The following SFSWAP variants were observed in gnomAD, a reference collection of about 807,000 sequenced individuals.
SFSWAP encodes splicing factor, suppressor of white-apricot homolog.
A neutral mutation model predicts 100.7 loss-of-function variants in SFSWAP; 17 were observed. The observed-to-expected ratio is 0.17, with a 90% CI of 0.12 to 0.25. The LOEUF (loss-of-function observed/expected upper bound fraction) is 0.25, where lower values mean the gene tolerates loss of function less well. Ranked by LOEUF, SFSWAP falls within the 10% of genes least tolerant of loss-of-function variation. The pLI, the probability that SFSWAP is intolerant of heterozygous loss-of-function variation, is 1.00. For synonymous variants in SFSWAP, 504 were observed against 510.1 expected, an observed-to-expected ratio of 0.99 and a Z score of 0.16; for missense variants, 1,005 against 1,262.6, an observed-to-expected ratio of 0.80 and a Z score of 3.09.
intron 7 of SFSWAP, among the ~76,000 whole-genome samples, chr12:131,745,965 C>T (rs1230685335): frequency 6.6e-6 from 1 of 152,180 alleles, no homozygotes; most frequent in Non-Finnish European, 1.5e-5. Flanking sequence ...CTGCTCTCAG[C>T]GGCTTCCTCC....
rs779728628 is a variant in SFSWAP, at chr12:131,759,141, A to G, written c.1720+2497A>G. Among the ~76,000 whole-genome samples the G allele has an allele frequency of 4.6e-5, 7 of 152,220 alleles. No homozygotes were observed. In the East Asian group the frequency reaches 1.3e-3, roughly 29 times the overall value. ...AGAAGTTAACACTAGAAAATAAAGT[A>G]TATGAGAACATATATTATTTTAAAT... On this transcript the variant is annotated intron_variant, in intron 11 of 17. Transcript: ENST00000261674.
intron 13 of SFSWAP, among the ~76,000 whole-genome samples, chr12:131,774,474 C>CT (rs1883857441): frequency 6.6e-6 from 1 of 152,168 alleles, no homozygotes; most frequent in Admixed American, 6.5e-5. Context: ...TTAATGCTCT[C>CT]ATAAATGACC....
chr12:131,712,240 G>A (rs1443769593), intron 1 of SFSWAP: 1 of 152,160 alleles, frequency 6.6e-6, no homozygotes, highest in African/African-American at 2.4e-5. Context: ...GTCACTCGAG[G>A]GTGTCTAGCG....
At position 131,733,808 on chromosome 12, in the gene SFSWAP, T is replaced by A. The variant is rs1879740716; in HGVS notation, c.1081+5380T>A. 6.6e-6 allele frequency among the ~76,000 whole-genome samples: 1 copy of A among 152,026 alleles called. No individual in the cohort carries two copies. The highest frequency in any genetic ancestry group is 6.5e-5 in the Admixed American group (1 of 15,278). On this transcript the variant is annotated intron_variant, in intron 7 of 17. Transcript: ENST00000261674. The surrounding 1 kb of genome is among the most constrained non-coding windows in gnomAD (Gnocchi z 5.1). Reference sequence around the variant, plus strand: ...GAGTGTGTGTTCAGGCTTGTCTTCCTGCCGCAGCGCAGCAGCCCTCCCATG... The same window carrying A: ...GAGTGTGTGTTCAGGCTTGTCTTCCAGCCGCAGCGCAGCAGCCCTCCCATG...
chr12:131,717,792 G>A (rs1183150846), intron 3 of SFSWAP, among the ~76,000 whole-genome samples: 1 of 152,112 alleles, frequency 6.6e-6, no homozygotes, highest in Non-Finnish European at 1.5e-5. Context: ...ATGCAGTGGT[G>A]CGGTGTCAGC....
chr12:131,728,169 G>T (rs1045166039), intron 6 of SFSWAP, 124 bp from the exon 7 acceptor site: 1 of 1,050,660 alleles, frequency 9.5e-7, no homozygotes, highest in Non-Finnish European at 1.4e-6. Flanking sequence ...CTCCATGGGT[G>T]CGTGCATGTG....
chr12:131,721,569 T>C (rs963969859), intron 4 of SFSWAP, among the ~76,000 whole-genome samples: 2 of 152,226 alleles, frequency 1.3e-5, no homozygotes, highest in Non-Finnish European at 2.9e-5. Flanking sequence ...GTTGACTATA[T>C]GGAATTTTAC....
At chr12:131,790,783 C>A (rs903558358) in intron 15 of SFSWAP, among the ~76,000 whole-genome samples, 1 of 152,214 alleles carries the variant, frequency 6.6e-6, no homozygotes, top group African/African-American at 2.4e-5. Flanking sequence ...TGGGAGTTCA[C>A]TGCTGCAGTA....
At position 131,728,416 on chromosome 12, in the gene SFSWAP, T is replaced by C; in HGVS notation, c.1069T>C (p.Tyr357His). Residue 357 changes from tyrosine to histidine, a missense_variant, in exon 7 of 18, where the codon TAC becomes CAC. Tyr to His is a moderately conservative substitution (Grantham distance 83). Transcript: ENST00000261674. Reference protein sequence around the residue: ...GAPVQPSQVEYTADSTVAAMY... With the variant: ...GAPVQPSQVEHTADSTVAAMY... ...GCCTGTGCAGCCCTCCCAGGTGGAG[T>C]ACACGGCAGACTGTGAGTACTCACT... is the stretch of plus-strand genomic sequence containing the variant. The C allele has an allele frequency of 6.2e-7, 1 of 1,614,102 alleles. No individual in the cohort carries two copies. Among genetic ancestry groups the C allele is most frequent in the Non-Finnish European group, 8.5e-7 (1 of 1,180,006 alleles).
chr12:131,773,456 C>T (rs781610836), intron 13 of SFSWAP, among the ~76,000 whole-genome samples: 19 of 152,192 alleles, frequency 1.2e-4, no homozygotes, highest in Admixed American at 6.5e-5. Context: ...CCTCCTACCT[C>T]AGCCTCCAAA....
intron 3 of SFSWAP, among the ~76,000 whole-genome samples, chr12:131,715,662 T>C (rs1383419307): frequency 6.6e-6 from 1 of 152,232 alleles, no homozygotes; most frequent in Non-Finnish European, 1.5e-5. Context: ...AATGCTAACA[T>C]GAACCTGACA....
At chr12:131,729,743 C>A (rs1054092013) in intron 7 of SFSWAP, among the ~76,000 whole-genome samples, 1 of 152,162 alleles carries the variant, frequency 6.6e-6, no homozygotes, top group Non-Finnish European at 1.5e-5. Flanking sequence ...CGAGGAACCA[C>A]CTGCTGAGTC....
intron 14 of SFSWAP, chr12:131,785,227 A>G: frequency 6.5e-7 from 1 of 1,527,424 alleles, no homozygotes. Context: ...TAAAACGTCA[A>G]GGTGTCTAAC....
chr12:131,711,157 G>A lies in SFSWAP; in HGVS notation c.-73G>A, dbSNP rs1006026546. 8.0e-7 allele frequency: 1 copy of A among 1,247,216 alleles called. No individual in the cohort carries two copies. Among genetic ancestry groups the A allele is most frequent in the East Asian group, 2.5e-5 (1 of 39,256 alleles). 77.3% of individuals were successfully genotyped at this position (1,247,216 alleles called of 1,614,324 possible). A position where few individuals can be genotyped will look rare whatever the true frequency, so the allele number is the denominator to read the frequency against. On this transcript the variant is annotated 5_prime_UTR_variant, in exon 1 of 18. Coordinates refer to ENST00000261674, the MANE Select transcript of SFSWAP (RefSeq NM_004592.4). This position sits in a 1 kb window ranked among gnomAD's most constrained non-coding sequence, Gnocchi z 4.9. ...GGATGCGGGGTCTTTGACTGAAGGG[G>A]TAGGCCAAGTGGAGGTATCAGGGAC...
At chr12:131,746,568 T>C (rs896855626) in intron 7 of SFSWAP, among the ~76,000 whole-genome samples, 4 of 152,246 alleles carry the variant, frequency 2.6e-5, no homozygotes, top group Non-Finnish European at 5.9e-5. Context: ...TGTTCATTCC[T>C]GTTCTTGTTG....
intron 7 of SFSWAP, among the ~76,000 whole-genome samples, chr12:131,732,158 C>T (rs1879577700): frequency 1.3e-5 from 2 of 152,126 alleles, no homozygotes; most frequent in South Asian, 4.1e-4. Context: ...GATCCGCCCA[C>T]CTCAGCCTCC....
intron 16 of SFSWAP, among the ~76,000 whole-genome samples, chr12:131,798,186 C>T (rs1350949464): frequency 6.6e-6 from 1 of 152,126 alleles, no homozygotes; most frequent in East Asian, 1.9e-4. Context: ...CGTCTGTAAT[C>T]CCAGCTACTC....
At position 131,790,844 on chromosome 12, in the gene SFSWAP, C is replaced by T. The variant is rs147802274; in HGVS notation, c.2534+4256C>T. On this transcript the variant is annotated intron_variant, in intron 15 of 17. Transcript: ENST00000261674. ...TTAATTCCAGGTAGACTTTGCTAAG[C>T]GAAGGATGCATAACCTAATTCCCTA... 2.6e-5 allele frequency among the ~76,000 whole-genome samples: 4 copies of T among 152,164 alleles called. No homozygotes were observed. In the East Asian group the frequency reaches 5.8e-4, roughly 22 times the overall value.
At position 131,756,560 on chromosome 12, in the gene SFSWAP, G is replaced by A. The variant is rs1442352211; in HGVS notation, c.1636G>A (p.Ala546Thr). 1.2e-6 allele frequency: 2 copies of A among 1,614,042 alleles called. No homozygotes were observed. Among genetic ancestry groups the A allele is most frequent in the East Asian group, 2.2e-5 (1 of 44,882 alleles). Residue 546 changes from alanine to threonine, a missense_variant, in exon 11 of 18, where the codon GCC becomes ACC. This residue lies in a region of SFSWAP where 311 missense variants were observed against 317.8 expected (regional missense o/e 0.98). Coordinates refer to ENST00000261674, the MANE Select transcript of SFSWAP (RefSeq NM_004592.4). ...AGEDGAPEDA[A>T]EVGARAGSGG... ...GGAGGATGGCGCGCCTGAAGACGCA[G>A]CCGAGGTGGGAGCACGGGCAGGCTC...
Sources: allele counts gnomAD v4.1 joint callset (sites outside exome capture counted in the v4.1 genomes callset), GRCh38; gene constraint gnomAD v4.1.1; regional missense constraint gnomAD v4.1.1; non-coding constraint Gnocchi (gnomAD v3.1); transcripts MANE v1.5; gene names NCBI Gene and HGNC (gene_info 2026-07-23, HGNC 2026-07-21).